The following C6orf141 variants were observed in gnomAD, a reference collection of about 807,000 sequenced individuals.
C6orf141 encodes uncharacterized protein C6orf141.
For missense variants in C6orf141, 361 were observed against 335.8 expected (o/e 1.07, Z -0.59); for synonymous variants, 164 against 140.5 (o/e 1.17, Z -1.18).
chr6:49,554,412 G>A (rs1453180513), downstream of C6orf141, among the ~76,000 whole-genome samples: 1 of 18,480 alleles, frequency 5.4e-5, no homozygotes, highest in East Asian at 0.1. Context: ...ACAGAGTCTT[G>A]CTCTGTCGCC....
intron 4 of C6orf141, among the ~76,000 whole-genome samples, chr6:49,558,557 T>C (rs1252778458): frequency 6.6e-6 from 1 of 152,124 alleles, no homozygotes; most frequent in Non-Finnish European, 1.5e-5. Flanking sequence ...CTGTAATAAA[T>C]GGTATCAACC....
At chr6:49,555,968 C>G (rs1157360247), downstream of C6orf141, among the ~76,000 whole-genome samples, 1 of 152,162 alleles carries the variant, frequency 6.6e-6, no homozygotes, top group Admixed American at 6.5e-5. Flanking sequence ...ATACATCTTT[C>G]TAAGCATAAA....
chr6:49,552,178 T>C (rs1770803962), downstream of C6orf141: 1 of 154,296 alleles, frequency 6.5e-6, no homozygotes, highest in Non-Finnish European at 1.5e-5. Flanking sequence ...AATTTAGTCC[T>C]GTAAACATGC....
At position 49,551,559 on chromosome 6, in the gene C6orf141, G is replaced by T; in HGVS notation, c.*32G>T. 1 of 1,544,002 alleles carries T rather than the reference G, an allele frequency of 6.5e-7. No homozygotes were observed. The highest frequency in any genetic ancestry group is 8.7e-7 in the Non-Finnish European group (1 of 1,145,658). ...GCTCGAGAAATGTTCCGGGATGGTG[G>T]ATGAGCGATCATCCTTAAAAGAAAA... On this transcript the variant is annotated 3_prime_UTR_variant, in exon 1 of 1. Transcript: ENST00000529246.
chr6:49,556,500 A>C (rs190858735), downstream of C6orf141, among the ~76,000 whole-genome samples: 4 of 152,360 alleles, frequency 2.6e-5, no homozygotes, highest in East Asian at 7.7e-4. Flanking sequence ...AAACTATTTC[A>C]GAAATATGGC....
downstream of C6orf141, chr6:49,554,867 T>G (rs1317113859): frequency 2.6e-5 from 4 of 152,212 alleles, no homozygotes; most frequent in East Asian, 7.7e-4. Flanking sequence ...CTGTTGAATT[T>G]GCTTCACAGG....
In C6orf141 at chr6:49,551,149, G is replaced by A. The variant is rs778643506; in HGVS notation, c.357G>A (p.Ala119=). 9.7e-6 allele frequency: 15 copies of A among 1,551,604 alleles called. No homozygotes were observed. The Admixed American group carries it at 1.2e-4, about 12-fold the overall frequency. The change falls in exon 1 of 1, where the codon GCG becomes GCA. Residue 119 remains alanine, a synonymous_variant. Coordinates refer to ENST00000529246, the MANE Select transcript of C6orf141 (RefSeq NM_001145652.2). The part of the protein sequence containing the change: ...EVAGAEDLPH[A]GGEDHGEEPN... ...CCGGTGCAGAGGACCTTCCTCATGC[G>A]GGTGGAGAGGACCACGGCGAGGAGC...
At chr6:49,555,998 T>C (rs1771858841), downstream of C6orf141, among the ~76,000 whole-genome samples, 1 of 152,250 alleles carries the variant, frequency 6.6e-6, no homozygotes, top group Non-Finnish European at 1.5e-5. Context: ...GTAGTATTAA[T>C]GTAACCTCTG....
At position 49,550,854 on chromosome 6, in the gene C6orf141, A is replaced by T; in HGVS notation, c.62A>T (p.Asp21Val). ...CCTCAGGGAGCTGCGAATCCCATGG[A>T]CTCCTCCCGCAGCCTGGGGGACCTC... The part of the protein sequence containing the change: ...RGPQGAANPM[D>V]SSRSLGDLGP... Residue 21 changes from aspartate (D) to valine (V), a missense_variant, in exon 1 of 1, where the codon GAC becomes GTC. Transcript: ENST00000529246. 1 of 1,497,854 alleles carries T rather than the reference A, an allele frequency of 6.7e-7. No homozygotes were observed. The highest frequency in any genetic ancestry group is 1.3e-5 in the South Asian group (1 of 75,344). 92.8% of individuals were successfully genotyped at this position (1,497,854 alleles called of 1,614,324 possible).
chr6:49,551,854 C>A lies in C6orf141; in HGVS notation c.*327C>A. ...ACTCTCAATTGATCTCTTTTCTGTT[C>A]CCCGCCCCCCTCTTGTTTCTCTTTA... On this transcript the variant is annotated 3_prime_UTR_variant, in exon 1 of 1. Coordinates refer to ENST00000529246, the MANE Select transcript of C6orf141 (RefSeq NM_001145652.2). 1 of 1,163,096 alleles carries A rather than the reference C, an allele frequency of 8.6e-7. No homozygotes were observed. The highest frequency in any genetic ancestry group is 1.1e-6 in the Non-Finnish European group (1 of 931,210). 72.0% of individuals were successfully genotyped at this position (1,163,096 alleles called of 1,614,324 possible). A position where few individuals can be genotyped will look rare whatever the true frequency, so the allele number is the denominator to read the frequency against.
chr6:49,557,950 G>A (rs1472774797), intron 4 of C6orf141, among the ~76,000 whole-genome samples: 1 of 152,052 alleles, frequency 6.6e-6, no homozygotes, highest in Non-Finnish European at 1.5e-5. Flanking sequence ...GGAGGGCAGA[G>A]GCGCAATCTT....
rs773258977 is a variant in C6orf141 at position 49,551,012 on chromosome 6, C to T, written c.220C>T (p.Arg74Trp). 3 of 1,551,256 alleles carry T rather than the reference C, an allele frequency of 1.9e-6. No individual in the cohort carries two copies. The highest frequency in any genetic ancestry group is 1.7e-4 in the Middle Eastern group (1 of 5,988). ...AACGGCAGATCGGGCCCTCGGACCT[C>T]GGGCCGGGGAGGAATTGGACCGTGA... ...DRTADRALGP[R>W]AGEELDRESW... The change falls in exon 1 of 1, where the codon CGG becomes TGG. Residue 74 changes from arginine (R) to tryptophan (W), a missense_variant. Coordinates refer to ENST00000529246, the MANE Select transcript of C6orf141 (RefSeq NM_001145652.2).
rs376598045 is a variant in C6orf141 at position 49,551,445 on chromosome 6, G to C, written c.653G>C (p.Arg218Pro). Residue 218 changes from arginine to proline, a missense_variant, in exon 1 of 1, where the codon CGA becomes CCA. Physicochemically the swap from Arg to Pro is moderately radical, Grantham distance 103 (BLOSUM62 -2). Coordinates refer to ENST00000529246, the MANE Select transcript of C6orf141 (RefSeq NM_001145652.2). ...GPAESRALQA[R>P]TGASRVHAAG... ...GCTGAATCCCGGGCTCTCCAGGCAC[G>C]AACAGGGGCATCCCGCGTCCACGCC... 3 of 1,551,450 alleles carry C rather than the reference G, an allele frequency of 1.9e-6. No homozygotes were observed. The highest frequency in any genetic ancestry group is 2.6e-6 in the Non-Finnish European group (3 of 1,146,974).
At chr6:49,555,853 G>T (rs2127295292), downstream of C6orf141, among the ~76,000 whole-genome samples, 1 of 152,288 alleles carries the variant, frequency 6.6e-6, no homozygotes, top group South Asian at 2.1e-4. Flanking sequence ...CAATCCTCCT[G>T]CCTTGGCCTC....
chr6:49,554,049 C>T (rs1226040013), downstream of C6orf141, among the ~76,000 whole-genome samples: 1 of 152,180 alleles, frequency 6.6e-6, no homozygotes, highest in African/African-American at 2.4e-5. Context: ...CTTTTCCTAA[C>T]CTTTAATGGA....
At position 49,550,697 on chromosome 6, in the gene C6orf141, G is replaced by C. The variant is rs1476641542; in HGVS notation, c.-96G>C. The C allele has an allele frequency of 3.0e-5, 33 of 1,117,128 alleles. No homozygotes were observed. The highest frequency in any genetic ancestry group is 3.9e-5 in the Non-Finnish European group (32 of 817,332). The allele number at this position is 1,117,128 out of a possible 1,614,324, so 69.2% of individuals were successfully genotyped here. A position where few individuals can be genotyped will look rare whatever the true frequency, so the allele number is the denominator to read the frequency against. ...TTCAGCTTTCACCGGCTGGGAGTCC[G>C]GAGCTGCAGCAGAGGCCACACCCAG... On this transcript the variant is annotated 5_prime_UTR_variant, in exon 1 of 1. Coordinates refer to ENST00000529246, the MANE Select transcript of C6orf141 (RefSeq NM_001145652.2).
At chr6:49,552,762 T>C (rs1029316023), downstream of C6orf141, among the ~76,000 whole-genome samples, 1 of 152,286 alleles carries the variant, frequency 6.6e-6, no homozygotes, top group Admixed American at 6.5e-5. Context: ...CCTAGAGGTC[T>C]TGTAGCATGT....
intron 4 of C6orf141, among the ~76,000 whole-genome samples, chr6:49,561,185 C>G (rs545774089): frequency 5.3e-5 from 8 of 151,760 alleles, no homozygotes; most frequent in African/African-American, 1.9e-4. Context: ...GCAACCTCTG[C>G]CTCCTGGGTT....
rs528064594 is a variant in C6orf141 at position 49,551,275 on chromosome 6, G to T, written c.483G>T (p.Arg161=). ...AADPPKYVLV[R]VEDYQVTQEV... ...ACCCACCCAAATACGTGCTTGTGCG[G>T]GTGGAGGATTATCAGGTAACACAAG... is the stretch of plus-strand genomic sequence containing the variant. The change falls in exon 1 of 1, where the codon CGG becomes CGT. Residue 161 remains arginine (R), a synonymous_variant. Coordinates refer to ENST00000529246, the MANE Select transcript of C6orf141 (RefSeq NM_001145652.2). 1.0e-5 allele frequency: 16 copies of T among 1,551,754 alleles called. No individual in the cohort carries two copies. In the South Asian group the frequency reaches 1.5e-4, roughly 15 times the overall value.
Sources: allele counts gnomAD v4.1 joint callset (sites outside exome capture counted in the v4.1 genomes callset), GRCh38; gene constraint gnomAD v4.1.1; transcripts MANE v1.5; gene names NCBI Gene and HGNC (gene_info 2026-07-23, HGNC 2026-07-21).